The following AQP7B variants were observed in gnomAD, a reference collection of about 807,000 sequenced individuals.
The protein encoded by AQP7B is putative aquaporin-7B.
the AQP7B span, among the ~76,000 whole-genome samples, chr2:94,596,570 G>C: frequency 6.6e-6 from 1 of 152,196 alleles, no homozygotes; most frequent in South Asian, 2.1e-4. Flanking sequence ...TCTCTCCCTG[G>C]CTTAAAGCCT....
chr2:94,598,479 A>T, the AQP7B span, among the ~76,000 whole-genome samples: 1 of 152,138 alleles, frequency 6.6e-6, no homozygotes, highest in African/African-American at 2.4e-5. Context: ...CACGTGAGAC[A>T]CGGGGCAAGG....
the AQP7B span, chr2:94,603,307 A>G: frequency 6.7e-7 from 1 of 1,483,212 alleles, no homozygotes; most frequent in Non-Finnish European, 9.2e-7. Context: ...CCACCCTCTA[A>G]CCTATAACCT....
chr2:94,595,948 A>G, the AQP7B span, among the ~76,000 whole-genome samples: 1 of 152,220 alleles, frequency 6.6e-6, no homozygotes, highest in African/African-American at 2.4e-5. Flanking sequence ...AACACTCTCT[A>G]GAAGGAGTGT....
the AQP7B span, among the ~76,000 whole-genome samples, chr2:94,595,621 C>T: frequency 6.6e-6 from 1 of 151,852 alleles, no homozygotes; most frequent in Non-Finnish European, 1.5e-5. Context: ...ACAGGCAAGG[C>T]TGGCAAGAGG....
chr2:94,590,171 AG>A, the AQP7B span, among the ~76,000 whole-genome samples: 5 of 152,064 alleles, frequency 3.3e-5, no homozygotes, highest in African/African-American at 1.2e-4. Context: ...ACTCATAAGT[AG>A]GTGCTCAACA....
At chr2:94,603,241 A>G in the AQP7B span, 3 of 1,397,924 alleles carry the variant, frequency 2.1e-6, no homozygotes, top group Admixed American at 4.1e-5. Context: ...GGCAGATTGG[A>G]CCTCAGTGTC....
chr2:94,596,864 TA>T, the AQP7B span, among the ~76,000 whole-genome samples: 1 of 152,170 alleles, frequency 6.6e-6, no homozygotes, highest in South Asian at 2.1e-4. Flanking sequence ...TGTGCTCAGC[TA>T]ATTTTTCTAT....
chr2:94,598,061 TA>T, the AQP7B span, among the ~76,000 whole-genome samples: 2 of 152,162 alleles, frequency 1.3e-5, no homozygotes, highest in Admixed American at 1.3e-4. Context: ...TTTCCCCATT[TA>T]TAGAGTGGGA....
the AQP7B span, chr2:94,594,921 C>T: frequency 1.6e-5 from 18 of 1,098,912 alleles, no homozygotes; most frequent in South Asian, 2.5e-4. Flanking sequence ...CCAGGGCTGT[C>T]CATGACCCCC....
chr2:94,588,973 G>GT, the AQP7B span, among the ~76,000 whole-genome samples: 43 of 140,940 alleles, frequency 3.1e-4, no homozygotes, highest in Middle Eastern at 3.8e-3. Flanking sequence ...TTTCTTTTCT[G>GT]TTTTTTTTTC....
At chr2:94,597,972 A>C in the AQP7B span, among the ~76,000 whole-genome samples, 2 of 152,160 alleles carry the variant, frequency 1.3e-5, no homozygotes, top group East Asian at 3.9e-4. Flanking sequence ...CAGCTTTTAA[A>C]GACTGGCTTG....
chr2:94,589,206 G>A, the AQP7B span, among the ~76,000 whole-genome samples: 3 of 149,510 alleles, frequency 2.0e-5, no homozygotes, highest in African/African-American at 7.4e-5. Flanking sequence ...ATGGGGTTTC[G>A]CCATGTTCGC....
chr2:94,592,401 C>G, the AQP7B span, among the ~76,000 whole-genome samples: 1 of 152,188 alleles, frequency 6.6e-6, no homozygotes, highest in Non-Finnish European at 1.5e-5. Context: ...ATTCCTTACC[C>G]CAGAGAAACA....
the AQP7B span, among the ~76,000 whole-genome samples, chr2:94,599,251 G>C: frequency 6.6e-6 from 1 of 151,818 alleles, no homozygotes; most frequent in African/African-American, 2.4e-5. Context: ...ACTCCCCCCG[G>C]CACCCCCATC....
chr2:94,593,695 AGGCTGGTCTC>A, the AQP7B span, among the ~76,000 whole-genome samples: 1 of 151,898 alleles, frequency 6.6e-6, no homozygotes, highest in African/African-American at 2.4e-5. Context: ...TATGTTGTTC[AGGCTGGTCTC>A]GAACTCCCAA....
chr2:94,588,786 T>G, the AQP7B span, among the ~76,000 whole-genome samples: 81 of 151,018 alleles, frequency 5.4e-4, 2 homozygotes, highest in Admixed American at 5.3e-3. Flanking sequence ...GGTCAAGGCA[T>G]GCAGGTGGCC....
the AQP7B span, chr2:94,602,565 G>T: frequency 4.4e-6 from 7 of 1,603,906 alleles, no homozygotes; most frequent in East Asian, 6.7e-5. Context: ...GTCAACTTGG[G>T]TTTTGGCTTC....
chr2:94,598,030 A>G, the AQP7B span, among the ~76,000 whole-genome samples: 1 of 152,194 alleles, frequency 6.6e-6, no homozygotes, highest in Non-Finnish European at 1.5e-5. Flanking sequence ...AGGTAGTTCA[A>G]GTTGCCTCTC....
chr2:94,595,528 T>C, the AQP7B span, among the ~76,000 whole-genome samples: 1 of 152,054 alleles, frequency 6.6e-6, no homozygotes, highest in Non-Finnish European at 1.5e-5. Flanking sequence ...ATGGGTGATG[T>C]TGAAGGCTGG....
Sources: gnomAD v4.1 joint callset for allele counts (sites outside exome capture counted in the v4.1 genomes callset) on GRCh38, gnomAD v4.1.1 for gene constraint, MANE v1.5 for transcripts, NCBI Gene and HGNC (gene_info 2026-07-23, HGNC 2026-07-21) for gene names.